Variants in CRIP3 observed in about 807,000 individuals in gnomAD.
CRIP3 encodes cysteine-rich protein 3.
CRIP3 carries 23 observed loss-of-function variants against 30.3 expected under a neutral mutation model. That is an observed-to-expected ratio of 0.76 (90% CI 0.55 to 1.08). The LOEUF is 1.08. CRIP3 is among the 50% of genes least tolerant of loss of function. The probability of loss-of-function intolerance (pLI) is 0.00; values close to 1 mark genes in which losing one functional copy is unlikely to be tolerated. For missense variants in CRIP3, 261 were observed against 259.3 expected (o/e 1.01, Z -0.04); for synonymous variants, 89 against 97.6 (o/e 0.91, Z 0.52).
rs1268207615 is a variant in CRIP3 at position 43,307,811 on chromosome 6, C to A, written c.196+28G>T. ...CCAGCCACAAGGAGGGTTCTGCTGA[C>A]CCATGGCCCCTTAAGGCTGGTACTT... On this transcript the variant is annotated intron_variant, in intron 3 of 7. Transcript: ENST00000372569. 1.9e-6 allele frequency: 3 copies of A among 1,613,622 alleles called. No homozygotes were observed. In the African/African-American group the frequency reaches 4.0e-5, roughly 22 times the overall value.
chr6:43,307,460 A>T, intron 4 of CRIP3, 152 bp downstream of exon 4: 1 of 682,608 alleles, frequency 1.5e-6, no homozygotes, highest in Non-Finnish European at 2.2e-6. Context: ...AGAAAAAAAA[A>T]GCGGGGAGTA....
Position 43,305,716 on chromosome 6 carries a change from CCCCAA to C in CRIP3, c.*93_*97del, listed in dbSNP as rs1778910369. 4 of 1,491,094 alleles carry C rather than the reference CCCCAA, an allele frequency of 2.7e-6. No homozygotes were observed. Among genetic ancestry groups the C allele is most frequent in the Non-Finnish European group, 3.7e-6 (4 of 1,070,648 alleles). The allele number at this position is 1,491,094 out of a possible 1,614,324, so 92.4% of individuals were successfully genotyped here. ...GCCCAGGCCCCCAAGATCCCACCTT[CCCCAA>C]CCCCCATGGGACTGGAGATTTTTGT... On this transcript the variant is annotated 3_prime_UTR_variant, in exon 8 of 8. Transcript: ENST00000372569.
Position 43,305,597 on chromosome 6 carries a change from C to T in CRIP3, c.*217G>A. 1 of 618,208 alleles carries T rather than the reference C, an allele frequency of 1.6e-6. No individual in the cohort carries two copies. The highest frequency in any genetic ancestry group is 2.0e-5 in the South Asian group (1 of 50,786). 38.3% of individuals were successfully genotyped at this position (618,208 alleles called of 1,614,324 possible). A position where few individuals can be genotyped will look rare whatever the true frequency, so the allele number is the denominator to read the frequency against. ...TTGTGATGGCCAGGAGGAGGATACC[C>T]TTCAAAACGGGCTGTTCCCTAACCA... On this transcript the variant is annotated 3_prime_UTR_variant, in exon 8 of 8. Coordinates refer to ENST00000372569, the MANE Select transcript of CRIP3 (RefSeq NM_206922.3).
At chr6:43,307,460 A>G in intron 4 of CRIP3, 152 bp downstream of exon 4, 2 of 682,608 alleles carry the variant, frequency 2.9e-6, no homozygotes, top group South Asian at 5.3e-5. Flanking sequence ...AGAAAAAAAA[A>G]GCGGGGAGTA....
chr6:43,308,397 C>T lies in CRIP3; in HGVS notation c.56G>A (p.Ser19Asn). 1 of 1,612,956 alleles carries T rather than the reference C, an allele frequency of 6.2e-7. No individual in the cohort carries two copies. Among genetic ancestry groups the T allele is most frequent in the Non-Finnish European group, 8.5e-7 (1 of 1,179,694 alleles). ...QQPVFFAEKV[S>N]SLGKNWHRFC... ...GCGGTGCCAGTTCTTGCCCAGGGAG[C>T]TCACCTTCTCAGCTGTGGAGGACAA... The change falls in exon 2 of 8, where the codon AGC (serine) becomes AAC (asparagine). Residue 19 changes from serine (S) to asparagine (N), a missense_variant. Ser to Asn is a conservative substitution (Grantham distance 46, BLOSUM62 1). Transcript: ENST00000372569.
rs972108937 is a variant in CRIP3, at chr6:43,307,782, G to C, written c.197-39C>G. 1.9e-6 allele frequency: 3 copies of C among 1,608,956 alleles called. No individual in the cohort carries two copies. The African/African-American group carries it at 4.0e-5, about 22-fold the overall frequency. On this transcript the variant is annotated intron_variant, in intron 3 of 7. Coordinates refer to ENST00000372569, the MANE Select transcript of CRIP3 (RefSeq NM_206922.3). ...AGGGGAGGTCAGGCTTGAGCCCCCAGCTCCCAGCCACAAGGAGGGTTCTGC... is the reference window on the plus strand; with the variant it reads ...AGGGGAGGTCAGGCTTGAGCCCCCACCTCCCAGCCACAAGGAGGGTTCTGC...
intron 1 of CRIP3, 143 bp from the exon 2 acceptor site, chr6:43,308,552 C>A: frequency 1.1e-6 from 1 of 915,940 alleles, no homozygotes; most frequent in Middle Eastern, 2.2e-4. Context: ...AGCTCCATCC[C>A]GCTCCGGTTT....
In CRIP3 at chr6:43,308,745, C is replaced by T. The variant is rs759383779; in HGVS notation, c.43+5G>A. On this transcript the variant is annotated splice_donor_5th_base_variant and intron_variant, in intron 1 of 7. Coordinates refer to ENST00000372569, the MANE Select transcript of CRIP3 (RefSeq NM_206922.3). ...TCTTCTCCCCCTCCGCAGCCCGGGC[C>T]TCACCGAAGAAAACAGGTTGCTGGC... The T allele has an allele frequency of 6.2e-7, 1 of 1,614,116 alleles. No homozygotes were observed.
intron 4 of CRIP3, 95 bp from the exon 5 acceptor site, chr6:43,306,612 C>A: frequency 1.8e-6 from 2 of 1,101,346 alleles, no homozygotes; most frequent in South Asian, 3.2e-5. Flanking sequence ...AAGCCATGCT[C>A]ATTCCAGAGT....
At chr6:43,307,986 C>T in intron 2 of CRIP3, 90 bp from the exon 3 acceptor site, 2 of 1,423,768 alleles carry the variant, frequency 1.4e-6, no homozygotes, top group Non-Finnish European at 2.0e-6. Flanking sequence ...CCAGGTGTGT[C>T]TGTCCACTGG....
intron 2 of CRIP3, 83 bp from the exon 3 acceptor site, chr6:43,307,979 G>T: frequency 6.8e-7 from 1 of 1,472,378 alleles, no homozygotes. Context: ...CAGGCTGCCA[G>T]GTGTGTCTGT....
intron 2 of CRIP3, 97 bp downstream of exon 2, chr6:43,308,218 C>A: frequency 8.9e-7 from 1 of 1,126,500 alleles, no homozygotes; most frequent in South Asian, 1.5e-5. Flanking sequence ...TACTGAGGTT[C>A]CCTTTGGCAG....
chr6:43,308,660 G>A (rs1045836585), intron 1 of CRIP3, 90 bp downstream of exon 1: 1 of 1,505,908 alleles, frequency 6.6e-7, no homozygotes, highest in East Asian at 2.3e-5. Flanking sequence ...GGGTGTCTGG[G>A]ACTACACTGT....
intron 2 of CRIP3, 23 bp downstream of exon 2, chr6:43,308,292 A>T: frequency 6.3e-7 from 1 of 1,582,054 alleles, no homozygotes; most frequent in South Asian, 1.1e-5. Context: ...TAAACAGGGC[A>T]GTGCTCCCTG....
rs1330215435 is a variant in CRIP3 at position 43,308,184 on chromosome 6, C to T, written c.138+131G>A. On this transcript the variant is annotated intron_variant, in intron 2 of 7. Transcript: ENST00000372569. Reference sequence around the variant, plus strand: ...AATTCCTGGCTGGTGTGGGGTCCACCAGGTGGGCGGCCTTGGGGTTGGCTA... The same window carrying T: ...AATTCCTGGCTGGTGTGGGGTCCACTAGGTGGGCGGCCTTGGGGTTGGCTA... 4 of 807,818 alleles carry T rather than the reference C, an allele frequency of 5.0e-6. No homozygotes were observed. The African/African-American group carries it at 5.2e-5, about 10-fold the overall frequency. The allele number at this position is 807,818 out of a possible 1,614,324, so 50.0% of individuals were successfully genotyped here. A position where few individuals can be genotyped will look rare whatever the true frequency, so the allele number is the denominator to read the frequency against.
At position 43,307,735 on chromosome 6, in the gene CRIP3, T is replaced by G. The variant is rs769537251; in HGVS notation, c.205A>C (p.Ile69Leu). The G allele has an allele frequency of 6.3e-7, 1 of 1,584,302 alleles. No individual in the cohort carries two copies. Among genetic ancestry groups the G allele is most frequent in the Non-Finnish European group, 8.6e-7 (1 of 1,161,346 alleles). ...GALFGPRGVNIGGVGSYLYNP... is the reference protein window; with the variant it reads ...GALFGPRGVNLGGVGSYLYNP... ...TACAAGTAGGAGCCTACACCACCAATGTTCACCCCTGAAGAGAGAATAGGG... is the reference window on the plus strand; with the variant it reads ...TACAAGTAGGAGCCTACACCACCAAGGTTCACCCCTGAAGAGAGAATAGGG... Residue 69 changes from isoleucine (I) to leucine (L), a missense_variant, in exon 4 of 8, where the codon ATT becomes CTT. By Grantham distance (5) the Ile-to-Leu change is conservative. Transcript: ENST00000372569.
In CRIP3 at chr6:43,307,661, G is replaced by T. The variant is rs765029410; in HGVS notation, c.279C>A (p.Ser93Arg). The T allele has an allele frequency of 1.3e-6, 2 of 1,500,268 alleles. No individual in the cohort carries two copies. The highest frequency in any genetic ancestry group is 1.8e-6 in the Non-Finnish European group (2 of 1,122,458). The allele number at this position is 1,500,268 out of a possible 1,614,324, so 92.9% of individuals were successfully genotyped here. A position where few individuals can be genotyped will look rare whatever the true frequency, so the allele number is the denominator to read the frequency against. Residue 93 changes from serine to arginine, a missense_variant, in exon 4 of 8, where the codon AGC becomes AGA. Coordinates refer to ENST00000372569, the MANE Select transcript of CRIP3 (RefSeq NM_206922.3). ...TCCTTGGCCTGGGAGGGCTGAAGCT[G>T]CTGGGGCTGAGAGGAGTGGTGCAGC... ...SPGCTTPLSP[S>R]SFSPPRPRTG...
intron 7 of CRIP3, 31 bp from the exon 8 acceptor site, chr6:43,305,906 C>T (rs767947806): frequency 6.2e-7 from 1 of 1,614,118 alleles, no homozygotes; most frequent in Middle Eastern, 1.6e-4. Flanking sequence ...ACCAAAGGCC[C>T]TGGGTCTGTG....
In CRIP3 at chr6:43,306,533, G is replaced by T. The variant is rs1778937522; in HGVS notation, c.329-16C>A. The T allele has an allele frequency of 1.3e-6, 2 of 1,587,282 alleles. No homozygotes were observed. Among genetic ancestry groups the T allele is most frequent in the East Asian group, 4.5e-5 (2 of 44,776 alleles). On this transcript the variant is annotated splice_polypyrimidine_tract_variant and intron_variant, in intron 4 of 7. Transcript: ENST00000372569. ...TGGGGAGGGCCTTTAAAGGGGAAGAGGCCCTGGCTATGTCTGAGGTGGAGA... is the reference window on the plus strand; with the variant it reads ...TGGGGAGGGCCTTTAAAGGGGAAGATGCCCTGGCTATGTCTGAGGTGGAGA...
Sources: allele counts gnomAD v4.1 joint callset, GRCh38; gene constraint gnomAD v4.1.1; transcripts MANE v1.5; gene names NCBI Gene and HGNC (gene_info 2026-07-23, HGNC 2026-07-21).